RFC3: variants seen among roughly 807,000 people sequenced by gnomAD.
RFC3 encodes the protein replication factor C subunit 3.
A neutral mutation model predicts 45.1 loss-of-function variants in RFC3; 41 were observed. The ratio of observed to expected loss-of-function variants is 0.91; its 90% confidence interval spans 0.71 to 1.18. The LOEUF is 1.18. RFC3 is among the 50% of genes most tolerant of loss of function. The pLI is 0.00. For synonymous variants in RFC3, 149 were observed against 144.0 expected (o/e 1.03, Z -0.25); for missense variants, 423 against 428.1 (o/e 0.99, Z 0.10).
At chr13:33,913,003 A>G (rs1593687193) in intron 8 of RFC3, among the ~76,000 whole-genome samples, 1 of 151,340 alleles carries the variant, frequency 6.6e-6, no homozygotes, top group Admixed American at 6.6e-5. Context: ...TCACAGAAAC[A>G]GGGGACACTG....
intron 8 of RFC3, chr13:33,965,940 G>T (rs892313635): frequency 2.7e-5 from 17 of 623,462 alleles, no homozygotes; most frequent in Admixed American, 2.7e-4. Context: ...ACTTGTCTTT[G>T]CCTTATTTTC....
intron 4 of RFC3, among the ~76,000 whole-genome samples, chr13:33,828,811 A>G (rs2082075484): frequency 6.6e-6 from 1 of 152,202 alleles, no homozygotes; most frequent in Non-Finnish European, 1.5e-5. Flanking sequence ...CAGGCAGATT[A>G]CAGGCATGAG....
chr13:33,862,722 A>G lies in RFC3; in HGVS notation c.879+27505A>G, dbSNP rs943113405. On this transcript the variant is annotated intron_variant, in intron 8 of 8. Coordinates refer to the RFC3 transcript ENST00000434425. ...ATACATATTGAAAAGCATATCTTCT[A>G]TAGCTGTGTCTTAAATTTTCAAGTA... Among the ~76,000 whole-genome samples the G allele has an allele frequency of 5.3e-5, 8 of 152,204 alleles. 1 individual carries two copies. The highest frequency in any genetic ancestry group is 3.9e-4 in the Admixed American group (6 of 15,274).
At chr13:33,858,384 G>A (rs951256496) in intron 8 of RFC3, among the ~76,000 whole-genome samples, 1 of 152,182 alleles carries the variant, frequency 6.6e-6, no homozygotes, top group African/African-American at 2.4e-5. Flanking sequence ...AAGAATAACG[G>A]TAGATTAAAC....
chr13:33,895,078 T>C (rs2082589148), intron 8 of RFC3, among the ~76,000 whole-genome samples: 1 of 152,120 alleles, frequency 6.6e-6, no homozygotes, highest in African/African-American at 2.4e-5. Flanking sequence ...AAAACACTTC[T>C]GGGGCATTGG....
intron 8 of RFC3, among the ~76,000 whole-genome samples, chr13:33,862,699 A>G (rs2082348959): frequency 6.6e-6 from 1 of 152,216 alleles, no homozygotes; most frequent in African/African-American, 2.4e-5. Context: ...ATCTTCATAT[A>G]CATATTGAAA....
chr13:33,855,033 G>A (rs566633045), intron 8 of RFC3, among the ~76,000 whole-genome samples: 63 of 151,918 alleles, frequency 4.1e-4, no homozygotes, highest in Non-Finnish European at 7.8e-4. Context: ...CAAAACAATC[G>A]ACTAGCGACA....
chr13:33,916,768 GTACA>G (rs879943749), intron 8 of RFC3, among the ~76,000 whole-genome samples: 16 of 148,528 alleles, frequency 1.1e-4, no homozygotes, highest in Non-Finnish European at 2.2e-4. Flanking sequence ...GAGTGTGCAT[GTACA>G]TACACATATA....
Position 33,836,716 on chromosome 13 carries a change from TTC to T in RFC3, c.*426_*427del, listed in dbSNP as rs1593623893. 1.0e-6 allele frequency: 1 copy of T among 985,214 alleles called. No individual in the cohort carries two copies. Among genetic ancestry groups the T allele is most frequent in the Non-Finnish European group, 1.2e-6 (1 of 829,590 alleles). 61.0% of individuals were successfully genotyped at this position (985,214 alleles called of 1,614,324 possible). A position where few individuals can be genotyped will look rare whatever the true frequency, so the allele number is the denominator to read the frequency against. On this transcript the variant is annotated 3_prime_UTR_variant, in exon 9 of 9. Transcript: ENST00000380071. ...ACACACCATTATATTTAATTCTAGT[TTC>T]TCTCAATGAATAATTGTATTTTTGT...
chr13:33,852,063 G>A, intron 8 of RFC3, among the ~76,000 whole-genome samples: 1 of 152,128 alleles, frequency 6.6e-6, no homozygotes, highest in Non-Finnish European at 1.5e-5. Flanking sequence ...TGAGAGTATT[G>A]CACTATCTGA....
At chr13:33,967,969 G>A (rs2083095763), downstream of RFC3, among the ~76,000 whole-genome samples, 1 of 152,142 alleles carries the variant, frequency 6.6e-6, no homozygotes, top group African/African-American at 2.4e-5. Context: ...TTCTCTGCTA[G>A]GGTAATGAAG....
At chr13:33,861,240 A>C (rs1389942503) in intron 8 of RFC3, among the ~76,000 whole-genome samples, 1 of 152,220 alleles carries the variant, frequency 6.6e-6, no homozygotes, top group Non-Finnish European at 1.5e-5. Context: ...CATTGATGAT[A>C]AACTTTATTT....
intron 4 of RFC3, among the ~76,000 whole-genome samples, chr13:33,826,343 C>T (rs1187595305): frequency 3.9e-5 from 6 of 152,008 alleles, no homozygotes; most frequent in Admixed American, 1.3e-4. Context: ...TTGCCAAATT[C>T]TCTATCTGAA....
rs532017059 is a variant in RFC3 at position 33,916,839 on chromosome 13, T to G, written c.880-49248T>G. Among the ~76,000 whole-genome samples, 40 of 151,522 alleles carry G rather than the reference T, an allele frequency of 2.6e-4. 2 individuals carry two copies. In the South Asian group the frequency reaches 8.1e-3, roughly 31 times the overall value. On this transcript the variant is annotated intron_variant, in intron 8 of 8. Coordinates refer to the RFC3 transcript ENST00000434425. ...ATGTGTGTATGCATGTGTATGTATGTGCACTAAATGTTTTTAATTACATTT... is the reference window on the plus strand; with the variant it reads ...ATGTGTGTATGCATGTGTATGTATGGGCACTAAATGTTTTTAATTACATTT...
At position 33,836,249 on chromosome 13, in the gene RFC3, T is replaced by C. The variant is rs1166663725; in HGVS notation, c.1025T>C (p.Leu342Pro). The C allele has an allele frequency of 6.2e-7, 1 of 1,613,470 alleles. No homozygotes were observed. The highest frequency in any genetic ancestry group is 1.7e-5 in the Admixed American group (1 of 59,986). ...LEAFVAKFMALYKKFMEDGLE... is the reference protein window; with the variant it reads ...LEAFVAKFMAPYKKFMEDGLE... ...GCGTTTGTGGCCAAATTCATGGCAC[T>C]TTATAAGAAGTTCATGGAGGATGGA... The change falls in exon 9 of 9, where the codon CTT becomes CCT. Residue 342 changes from leucine to proline, a missense_variant. Coordinates refer to ENST00000380071, the MANE Select transcript of RFC3 (RefSeq NM_002915.4).
intron 8 of RFC3, among the ~76,000 whole-genome samples, chr13:33,900,897 T>C (rs2082636953): frequency 6.6e-6 from 1 of 151,446 alleles, no homozygotes; most frequent in Non-Finnish European, 1.5e-5. Flanking sequence ...GTGATTAGAC[T>C]TGTCTCAGAA....
chr13:33,924,055 G>C (rs1429855207), intron 8 of RFC3, among the ~76,000 whole-genome samples: 1 of 152,074 alleles, frequency 6.6e-6, no homozygotes, highest in Non-Finnish European at 1.5e-5. Flanking sequence ...GCCCTGACAA[G>C]GTTTTGAAAA....
intron 8 of RFC3, among the ~76,000 whole-genome samples, chr13:33,908,279 G>C (rs1245755444): frequency 6.6e-6 from 1 of 151,852 alleles, no homozygotes; most frequent in Admixed American, 6.6e-5. Context: ...AGACTTGGAG[G>C]TTCAGCATTT....
intron 8 of RFC3, among the ~76,000 whole-genome samples, chr13:33,865,570 A>T (rs1381082736): frequency 6.6e-6 from 1 of 152,262 alleles, no homozygotes; most frequent in South Asian, 2.1e-4. Context: ...AAGCATAATT[A>T]TAGACCAATG....
Sources: allele counts gnomAD v4.1 joint callset (sites outside exome capture counted in the v4.1 genomes callset), GRCh38; gene constraint gnomAD v4.1.1; transcripts MANE v1.5; gene names NCBI Gene and HGNC (gene_info 2026-07-23, HGNC 2026-07-21).